The following TASP1 variants were observed in gnomAD, a reference collection of about 807,000 sequenced individuals.
TASP1 encodes threonine aspartase 1.
TASP1 carries 16 observed loss-of-function variants against 56.6 expected under a neutral mutation model. The ratio of observed to expected loss-of-function variants is 0.28; its 90% CI spans 0.19 to 0.43. The LOEUF (loss-of-function observed/expected upper bound fraction) is 0.43, where lower values mean the gene tolerates loss of function less well. Ranked by LOEUF, TASP1 falls within the 20% of genes least tolerant of loss-of-function variation. The pLI, the probability that TASP1 is intolerant of heterozygous loss-of-function variation, is 1.00. For missense variants in TASP1, 393 were observed against 511.6 expected, an observed-to-expected ratio of 0.77 and a Z score of 2.24; for synonymous variants, 179 against 184.2, an observed-to-expected ratio of 0.97 and a Z score of 0.23.
chr20:13,436,698 C>T (rs1451156245), intron 11 of TASP1, among the ~76,000 whole-genome samples: 1 of 152,028 alleles, frequency 6.6e-6, no homozygotes, highest in Non-Finnish European at 1.5e-5. Flanking sequence ...TCCCAGGATG[C>T]AAGAAATCAA....
chr20:13,226,553 G>A, the TASP1 span, among the ~76,000 whole-genome samples: 2 of 152,226 alleles, frequency 1.3e-5, no homozygotes, highest in African/African-American at 4.8e-5. Flanking sequence ...GGGCTCAGCT[G>A]AGTGGTTCTT....
the TASP1 span, among the ~76,000 whole-genome samples, chr20:13,178,054 C>G: frequency 2.6e-5 from 4 of 151,872 alleles, no homozygotes; most frequent in Non-Finnish European, 4.4e-5. Context: ...GACATTTCAA[C>G]AACAACAACA....
At chr20:13,442,978 T>C (rs185189725) in intron 11 of TASP1, among the ~76,000 whole-genome samples, 1 of 152,218 alleles carries the variant, frequency 6.6e-6, no homozygotes, top group Non-Finnish European at 1.5e-5. Context: ...TTTTTCATTA[T>C]AAATAACAGA....
In TASP1 at chr20:13,606,136, C is replaced by CAT. The variant is rs1445928172; in HGVS notation, c.282+17309_282+17310insAT. Among the ~76,000 whole-genome samples, 3 of 150,412 alleles carry CAT rather than the reference C, an allele frequency of 2.0e-5. No homozygotes were observed. The East Asian group carries it at 5.9e-4, about 29-fold the overall frequency. ...AATATAGACTGCATGTGTGTGCGTG[C>CAT]GTGTGTGTGTGTGTGTGTGTAGATG... is the stretch of plus-strand genomic sequence containing the variant. On this transcript the variant is annotated intron_variant, in intron 4 of 13. Coordinates refer to ENST00000337743, the MANE Select transcript of TASP1 (RefSeq NM_017714.3).
intron 4 of TASP1, among the ~76,000 whole-genome samples, chr20:13,617,474 C>G (rs1415900397): frequency 1.3e-5 from 2 of 152,086 alleles, no homozygotes; most frequent in Non-Finnish European, 2.9e-5. Flanking sequence ...AAATTAGACT[C>G]ACCAGCCACA....
At chr20:13,536,093 C>A (rs1026718073) in intron 8 of TASP1, among the ~76,000 whole-genome samples, 1 of 152,120 alleles carries the variant, frequency 6.6e-6, no homozygotes, top group Admixed American at 6.6e-5. Flanking sequence ...TCCCCAGATG[C>A]CAAGTTTGAT....
chr20:13,601,838 G>C (rs2047968345), intron 4 of TASP1, among the ~76,000 whole-genome samples: 1 of 147,768 alleles, frequency 6.8e-6, no homozygotes, highest in African/African-American at 2.5e-5. Context: ...TATCTCTAAG[G>C]TCTTCCACCT....
chr20:13,193,225 CA>C, the TASP1 span, among the ~76,000 whole-genome samples: 1 of 152,060 alleles, frequency 6.6e-6, no homozygotes, highest in Non-Finnish European at 1.5e-5. Flanking sequence ...AAAACAATTA[CA>C]AACATGACAG....
chr20:13,296,200 C>T, the TASP1 span, among the ~76,000 whole-genome samples: 30 of 152,170 alleles, frequency 2.0e-4, no homozygotes, highest in Non-Finnish European at 3.8e-4. Context: ...TTCCTCCACC[C>T]ATAGCATGTC....
At chr20:13,159,049 A>G in the TASP1 span, among the ~76,000 whole-genome samples, 1 of 152,236 alleles carries the variant, frequency 6.6e-6, no homozygotes, top group Non-Finnish European at 1.5e-5. Context: ...CAGAGCCCAA[A>G]GGGGAAAAAG....
chr20:13,455,259 T>C (rs928454106), intron 11 of TASP1, among the ~76,000 whole-genome samples: 6 of 152,162 alleles, frequency 3.9e-5, no homozygotes, highest in African/African-American at 1.4e-4. Flanking sequence ...TCATTTGTAT[T>C]GGTAAAAATA....
At chr20:13,138,355 C>A in the TASP1 span, among the ~76,000 whole-genome samples, 1 of 152,280 alleles carries the variant, frequency 6.6e-6, no homozygotes, top group South Asian at 2.1e-4. Context: ...AATACACTAC[C>A]CCCATTCATT....
chr20:13,539,037 G>A (rs1264425845), intron 8 of TASP1, among the ~76,000 whole-genome samples: 4 of 152,116 alleles, frequency 2.6e-5, no homozygotes, highest in South Asian at 4.1e-4. Flanking sequence ...GACACAGTGA[G>A]ACTCTGTCTC....
the TASP1 span, among the ~76,000 whole-genome samples, chr20:13,212,290 G>A: frequency 0.02 from 3,097 of 152,082 alleles, 54 homozygotes; most frequent in Non-Finnish European, 0.031. Context: ...TTAGGAGCCT[G>A]GGTCCCCTCA....
chr20:13,227,506 CTTT>C, the TASP1 span, among the ~76,000 whole-genome samples: 1 of 118,166 alleles, frequency 8.5e-6, no homozygotes, highest in South Asian at 2.9e-4. Flanking sequence ...CCCAGCCCAA[CTTT>C]TTTCTTTTTT....
intron 10 of TASP1, among the ~76,000 whole-genome samples, chr20:13,505,547 A>G (rs1019196020): frequency 6.6e-6 from 1 of 152,178 alleles, no homozygotes; most frequent in African/African-American, 2.4e-5. Flanking sequence ...AACAAATTTA[A>G]GAACATTGAA....
At chr20:13,164,459 C>A in the TASP1 span, 1 of 516,608 alleles carries the variant, frequency 1.9e-6, no homozygotes, top group Middle Eastern at 3.1e-4. Flanking sequence ...AAAATAAAAC[C>A]TTTTAAGGGT....
chr20:13,218,015 C>T, the TASP1 span, among the ~76,000 whole-genome samples: 18 of 152,068 alleles, frequency 1.2e-4, no homozygotes, highest in South Asian at 2.9e-3. Flanking sequence ...TTTGGGAGGC[C>T]GAAGCGGGTG....
intron 12 of TASP1, among the ~76,000 whole-genome samples, chr20:13,427,632 G>A (rs2042662943): frequency 6.6e-6 from 1 of 152,158 alleles, no homozygotes; most frequent in South Asian, 2.1e-4. Flanking sequence ...GAGGGAGAAA[G>A]CACAGTAGTA....
Sources: allele counts gnomAD v4.1 joint callset (sites outside exome capture counted in the v4.1 genomes callset), GRCh38; gene constraint gnomAD v4.1.1; transcripts MANE v1.5; gene names NCBI Gene and HGNC (gene_info 2026-07-23, HGNC 2026-07-21).